Variants in POC1B observed in about 807,000 individuals in gnomAD.
POC1B encodes POC1 centriolar protein B.
In POC1B, 44 loss-of-function variants were observed where a neutral mutation model predicts 60.6. The ratio of observed to expected loss-of-function variants is 0.73; its 90% CI spans 0.57 to 0.93. The LOEUF (loss-of-function observed/expected upper bound fraction) is 0.93. POC1B is among the 40% of genes least tolerant of loss of function. POC1B has a pLI of 0.00. For synonymous variants in POC1B, 180 were observed against 198.9 expected (o/e 0.90, Z 0.80); for missense variants, 555 against 572.3 (o/e 0.97, Z 0.31).
intron 10 of POC1B, among the ~76,000 whole-genome samples, chr12:89,445,948 T>C (rs1410927589): frequency 7.2e-5 from 11 of 152,050 alleles, no homozygotes; most frequent in Admixed American, 6.6e-4. Context: ...GCAAAGGATA[T>C]AAACAGACAC....
At position 89,526,011 on chromosome 12, in the gene POC1B, A is replaced by G; in HGVS notation, c.-116T>C. 1 of 1,539,676 alleles carries G rather than the reference A, an allele frequency of 6.5e-7. No homozygotes were observed. Among genetic ancestry groups the G allele is most frequent in the Non-Finnish European group, 8.7e-7 (1 of 1,145,858 alleles). Reference sequence around the variant, plus strand: ...CCCGGAACCGTCTGCCCAGAGCGGCAGCGCCTCCCGGTCACTACAACAACG... The same window carrying G: ...CCCGGAACCGTCTGCCCAGAGCGGCGGCGCCTCCCGGTCACTACAACAACG... On this transcript the variant is annotated 5_prime_UTR_variant, in exon 1 of 12. Coordinates refer to ENST00000313546, the MANE Select transcript of POC1B (RefSeq NM_172240.3).
intron 10 of POC1B, among the ~76,000 whole-genome samples, chr12:89,431,769 A>T (rs1881040302): frequency 6.6e-6 from 1 of 152,232 alleles, no homozygotes; most frequent in Non-Finnish European, 1.5e-5. Flanking sequence ...GTAACAAATT[A>T]CCACAAACTT....
intron 11 of POC1B, among the ~76,000 whole-genome samples, chr12:89,423,481 G>T (rs972690389): frequency 1.3e-5 from 2 of 152,098 alleles, no homozygotes; most frequent in African/African-American, 4.8e-5. Flanking sequence ...AATGCTAGAA[G>T]TTATTTATAC....
intron 2 of POC1B, chr12:89,524,694 C>G: frequency 2.3e-6 from 2 of 861,100 alleles, no homozygotes; most frequent in Non-Finnish European, 3.6e-6. Flanking sequence ...GCCACCCAGG[C>G]TTTCCAGGGG....
chr12:89,459,627 A>AAC lies in POC1B; in HGVS notation c.1113+10_1113+11insGT, dbSNP rs397755547. ...TTAAGTGTCAAAAAAAAAAAAAAAA[A>AAC]CCCGACTTACTGTGGTAGAATCAAA... On this transcript the variant is annotated intron_variant, in intron 10 of 11. Coordinates refer to ENST00000313546, the MANE Select transcript of POC1B (RefSeq NM_172240.3). The AAC allele has an allele frequency of 7.2e-7, 1 of 1,384,916 alleles. No homozygotes were observed. The highest frequency in any genetic ancestry group is 9.7e-7 in the Non-Finnish European group (1 of 1,026,530). The allele number at this position is 1,384,916 out of a possible 1,614,324, so 85.8% of individuals were successfully genotyped here.
In POC1B at chr12:89,501,003, G is replaced by A. The variant is rs1019057120; in HGVS notation, c.101-3661C>T. 4.1e-6 allele frequency: 4 copies of A among 966,016 alleles called. No individual in the cohort carries two copies. In the African/African-American group the frequency reaches 6.4e-5, roughly 16 times the overall value. 59.8% of individuals were successfully genotyped at this position (966,016 alleles called of 1,614,324 possible). Reference sequence around the variant, plus strand: ...TCCCGATGATATGAAGTTGATAGAGGATGAATTTATAATTGATAAGTCAGA... The same window carrying A: ...TCCCGATGATATGAAGTTGATAGAGAATGAATTTATAATTGATAAGTCAGA... On this transcript the variant is annotated intron_variant, in intron 2 of 11. Transcript: ENST00000313546.
intron 2 of POC1B, among the ~76,000 whole-genome samples, chr12:89,512,620 G>A (rs1011020494): frequency 1.3e-5 from 2 of 152,166 alleles, no homozygotes; most frequent in African/African-American, 2.4e-5. Context: ...CCTGGGTTTC[G>A]TGGTGCATGC....
At chr12:89,427,458 G>A (rs1177960296) in intron 10 of POC1B, 1 of 152,180 alleles carries the variant, frequency 6.6e-6, no homozygotes, top group South Asian at 2.1e-4. Context: ...GTTAAGAGAC[G>A]AAAATGGGAG....
chr12:89,521,782 T>C (rs752634111), intron 2 of POC1B: 1 of 380,436 alleles, frequency 2.6e-6, no homozygotes, highest in Non-Finnish European at 4.7e-6. Context: ...CCATTCACAA[T>C]TGCCAAGGCA....
intron 3 of POC1B, among the ~76,000 whole-genome samples, chr12:89,495,071 C>T (rs1033243846): frequency 6.6e-6 from 1 of 152,180 alleles, no homozygotes; most frequent in Non-Finnish European, 1.5e-5. Flanking sequence ...TGCCACGATC[C>T]ACCATTATTG....
chr12:89,426,228 T>TG (rs997023265), intron 10 of POC1B: 2 of 152,158 alleles, frequency 1.3e-5, no homozygotes, highest in African/African-American at 4.8e-5. Context: ...TACCAGGGGC[T>TG]GGAGGTAGGG....
intron 10 of POC1B, among the ~76,000 whole-genome samples, chr12:89,440,876 C>T (rs1881482991): frequency 1.3e-5 from 2 of 152,250 alleles, no homozygotes; most frequent in South Asian, 4.1e-4. Flanking sequence ...CAAGGGAAGC[C>T]ATGACAGATG....
chr12:89,469,135 G>A (rs947612244), intron 7 of POC1B, among the ~76,000 whole-genome samples: 4 of 152,068 alleles, frequency 2.6e-5, no homozygotes, highest in East Asian at 3.9e-4. Flanking sequence ...TTAGCTGGGC[G>A]TGGTGGTGCG....
chr12:89,497,033 C>A (rs1267764472), intron 3 of POC1B, 138 bp downstream of exon 3: 5 of 871,130 alleles, frequency 5.7e-6, no homozygotes, highest in Non-Finnish European at 8.6e-6. Context: ...ATTAGTTTGA[C>A]TTTACCACAA....
chr12:89,415,988 A>G (rs1212845528), downstream of POC1B, among the ~76,000 whole-genome samples: 1 of 152,192 alleles, frequency 6.6e-6, no homozygotes, highest in Non-Finnish European at 1.5e-5. Context: ...CACCCGCCCT[A>G]GTTTTAACTG....
intron 9 of POC1B, chr12:89,460,761 G>A (rs1412782364): frequency 2.0e-5 from 3 of 152,030 alleles, no homozygotes; most frequent in African/African-American, 7.2e-5. Flanking sequence ...TTTACATAAA[G>A]TTCAAACTCA....
intron 9 of POC1B, among the ~76,000 whole-genome samples, chr12:89,462,055 G>T (rs995439892): frequency 6.6e-6 from 1 of 151,948 alleles, no homozygotes; most frequent in Non-Finnish European, 1.5e-5. Context: ...ATCACGTAGA[G>T]TCAGCACCTG....
intron 2 of POC1B, among the ~76,000 whole-genome samples, chr12:89,510,374 T>C (rs1870119455): frequency 6.6e-6 from 1 of 152,176 alleles, no homozygotes; most frequent in South Asian, 2.1e-4. Flanking sequence ...TTGTTGGAGC[T>C]AGAGACCTAG....
chr12:89,440,956 C>T lies in POC1B; in HGVS notation c.1114-15577G>A, dbSNP rs187252278. ...CCAATGGTCTTAGCAAACAGCACAC[C>T]AGGAGATTATATCCTGCACATGGCT... On this transcript the variant is annotated intron_variant, in intron 10 of 11. Transcript: ENST00000313546. Among the ~76,000 whole-genome samples the T allele has an allele frequency of 1.5e-3, 230 of 152,358 alleles. 1 individual carries two copies. Among genetic ancestry groups the T allele is most frequent in the African/African-American group, 5.1e-3 (214 of 41,596 alleles).
Sources: gnomAD v4.1 joint callset for allele counts (sites outside exome capture counted in the v4.1 genomes callset) on GRCh38, gnomAD v4.1.1 for gene constraint, MANE v1.5 for transcripts, NCBI Gene and HGNC (gene_info 2026-07-23, HGNC 2026-07-21) for gene names.